Variants in WAPL observed in about 807,000 individuals in gnomAD.
WAPL encodes WAPL cohesin release factor.
In WAPL, 5 loss-of-function variants were observed where a neutral mutation model predicts 121.0. The observed-to-expected ratio is 0.04, with a 90% CI of 0.02 to 0.09. The LOEUF is 0.09. Ranked by LOEUF, WAPL falls within the 10% of genes least tolerant of loss-of-function variation. The pLI, the probability that WAPL is intolerant of heterozygous loss-of-function variation, is 1.00. For missense variants in WAPL, 999 were observed against 1,410.8 expected (o/e 0.71, Z 4.68); for synonymous variants, 480 against 481.5 (o/e 1.00, Z 0.04).
intron 4 of WAPL, among the ~76,000 whole-genome samples, chr10:86,477,291 T>A (rs1841680852): frequency 6.6e-6 from 1 of 152,220 alleles, no homozygotes; most frequent in Admixed American, 6.5e-5. Context: ...GTGAACTGTG[T>A]ATGTAAAGCA....
In WAPL at chr10:86,456,828, T is replaced by A. The variant is rs192635905; in HGVS notation, c.2657+2161A>T. ...TTTGAAGACAAAAGGAGGTTCAGCA[T>A]ATGTTATTTAATCTTTCTGTATGCT... On this transcript the variant is annotated intron_variant, in intron 12 of 18. Coordinates refer to ENST00000298767, the MANE Select transcript of WAPL (RefSeq NM_015045.5). Among the ~76,000 whole-genome samples the A allele has an allele frequency of 1.4e-4, 22 of 152,354 alleles. No homozygotes were observed. The East Asian group carries it at 4.0e-3, about 28-fold the overall frequency.
intron 14 of WAPL, among the ~76,000 whole-genome samples, chr10:86,452,552 A>G (rs1246917483): frequency 1.3e-5 from 2 of 152,094 alleles, no homozygotes; most frequent in Non-Finnish European, 1.5e-5. Flanking sequence ...AGACTGTGCC[A>G]CTGCACTCCA....
chr10:86,453,544 A>G (rs952966638), intron 13 of WAPL, 112 bp downstream of exon 13: 1 of 1,319,142 alleles, frequency 7.6e-7, no homozygotes, highest in African/African-American at 1.5e-5. Context: ...TAAGTCAAGT[A>G]CATTATGACA....
At position 86,453,807 on chromosome 10, in the gene WAPL, C is replaced by G; in HGVS notation, c.2682G>C (p.Leu894=). ...SAKALQHCEE[L]IQQYNRAEDS... ...CCTCAGCACGGTTGTACTGCTGAAT[C>G]AGTTCTTCACAATGCTGTAATGCTC... The change falls in exon 13 of 19, where the codon CTG becomes CTC. Residue 894 remains leucine, a synonymous_variant. Coordinates refer to ENST00000298767, the MANE Select transcript of WAPL (RefSeq NM_015045.5). 1 of 1,610,928 alleles carries G rather than the reference C, an allele frequency of 6.2e-7. No homozygotes were observed. Among genetic ancestry groups the G allele is most frequent in the Non-Finnish European group, 8.5e-7 (1 of 1,179,224 alleles).
At chr10:86,473,323 T>C (rs148171363) in intron 5 of WAPL, among the ~76,000 whole-genome samples, 4 of 152,210 alleles carry the variant, frequency 2.6e-5, no homozygotes, top group Non-Finnish European at 4.4e-5. Flanking sequence ...CTTATTGTTA[T>C]AAAGAACTAA....
In WAPL at chr10:86,436,948, T is replaced by TTA. The variant is rs1491073526; in HGVS notation, c.*594_*595insTA. 1 of 152,662 alleles carries TTA rather than the reference T, an allele frequency of 6.6e-6. No homozygotes were observed. The highest frequency in any genetic ancestry group is 1.5e-5 in the Non-Finnish European group (1 of 68,076). 9.5% of individuals were successfully genotyped at this position (152,662 alleles called of 1,614,324 possible). ...AAAAAAATATACTATTAATCCCGTGTATCTTTGGATTCCATCTAATTTTAA... is the reference window on the plus strand; with the variant it reads ...AAAAAAATATACTATTAATCCCGTGTTAATCTTTGGATTCCATCTAATTTTAA... On this transcript the variant is annotated 3_prime_UTR_variant, in exon 19 of 19. Coordinates refer to ENST00000298767, the MANE Select transcript of WAPL (RefSeq NM_015045.5).
intron 2 of WAPL, among the ~76,000 whole-genome samples, chr10:86,509,363 C>T (rs932275599): frequency 6.6e-6 from 1 of 152,138 alleles, no homozygotes. Flanking sequence ...CCTCCTTCCT[C>T]ATCACTCATG....
chr10:86,483,238 T>G (rs1431791848), intron 4 of WAPL, among the ~76,000 whole-genome samples: 1 of 152,014 alleles, frequency 6.6e-6, no homozygotes, highest in African/African-American at 2.4e-5. Flanking sequence ...CTGACCAACA[T>G]GGAAAAACCC....
At chr10:86,490,170 C>T (rs1198776628) in intron 4 of WAPL, among the ~76,000 whole-genome samples, 2 of 151,332 alleles carry the variant, frequency 1.3e-5, no homozygotes, top group Non-Finnish European at 2.9e-5. Flanking sequence ...GCCAAGATCG[C>T]GTCGCCACAC....
At chr10:86,511,291 T>A (rs1842459304) in intron 2 of WAPL, among the ~76,000 whole-genome samples, 1 of 152,070 alleles carries the variant, frequency 6.6e-6, no homozygotes, top group African/African-American at 2.4e-5. Context: ...TTTACAAAAA[T>A]CACATCTTTA....
At chr10:86,495,510 T>C (rs565578608) in intron 4 of WAPL, among the ~76,000 whole-genome samples, 2 of 150,016 alleles carry the variant, frequency 1.3e-5, no homozygotes, top group East Asian at 3.9e-4. Flanking sequence ...CCTTACACCA[T>C]ATACAAAAAT....
At chr10:86,459,332 C>A (rs999079970) in intron 11 of WAPL, among the ~76,000 whole-genome samples, 2 of 152,216 alleles carry the variant, frequency 1.3e-5, no homozygotes, top group African/African-American at 4.8e-5. Context: ...GCCAAACACA[C>A]TGAATGTCAG....
At chr10:86,509,297 T>C (rs1842412039) in intron 2 of WAPL, among the ~76,000 whole-genome samples, 1 of 152,178 alleles carries the variant, frequency 6.6e-6, no homozygotes, top group South Asian at 2.1e-4. Context: ...TCTCAGTAAA[T>C]GACACTACCA....
At chr10:86,442,904 G>A (rs1008592528) in intron 17 of WAPL, among the ~76,000 whole-genome samples, 2 of 151,990 alleles carry the variant, frequency 1.3e-5, no homozygotes, top group Admixed American at 6.6e-5. Flanking sequence ...TTAGCCGGGG[G>A]CGGTGGCAGG....
intron 9 of WAPL, 122 bp from the exon 10 acceptor site, chr10:86,461,409 TGAACTAATTTTCA>T: frequency 1.4e-6 from 1 of 693,902 alleles, no homozygotes; most frequent in Non-Finnish European, 2.4e-6. Flanking sequence ...TACATAAAAT[TGAACTAATTTTCA>T]ATTTTATCAG....
At chr10:86,446,182 G>A in intron 16 of WAPL, 60 bp downstream of exon 16, 2 of 1,587,744 alleles carry the variant, frequency 1.3e-6, no homozygotes, top group Non-Finnish European at 8.6e-7. Context: ...ATAGTTTGAA[G>A]AAAAAAACAA....
chr10:86,448,096 T>C, intron 15 of WAPL, among the ~76,000 whole-genome samples: 1 of 152,164 alleles, frequency 6.6e-6, no homozygotes, highest in Non-Finnish European at 1.5e-5. Context: ...TTAGATGCTA[T>C]GGTATTTATT....
In WAPL at chr10:86,460,391, A is replaced by G; in HGVS notation, c.2580+8T>C. 6.2e-7 allele frequency: 1 copy of G among 1,612,606 alleles called. No homozygotes were observed. Among genetic ancestry groups the G allele is most frequent in the Non-Finnish European group, 8.5e-7 (1 of 1,179,348 alleles). On this transcript the variant is annotated splice_region_variant and intron_variant, in intron 11 of 18. Coordinates refer to ENST00000298767, the MANE Select transcript of WAPL (RefSeq NM_015045.5). ...AATAATTTTTGCCAAATAGTCATCC[A>G]TACTTACACTTTCTAAAACTCGTAA...
chr10:86,448,381 G>T (rs1840888753), intron 15 of WAPL, among the ~76,000 whole-genome samples: 1 of 152,152 alleles, frequency 6.6e-6, no homozygotes, highest in African/African-American at 2.4e-5. Flanking sequence ...AGCCTGGGAG[G>T]TAAAGGCTGT....
Sources: allele counts gnomAD v4.1 joint callset (sites outside exome capture counted in the v4.1 genomes callset), GRCh38; gene constraint gnomAD v4.1.1; transcripts MANE v1.5; gene names NCBI Gene and HGNC (gene_info 2026-07-23, HGNC 2026-07-21).